The following KCNJ6 variants were observed in gnomAD, a reference collection of about 807,000 sequenced individuals.
KCNJ6 encodes the protein G protein-activated inward rectifier potassium channel 2.
KCNJ6 carries 9 observed loss-of-function variants against 34.2 expected under a neutral mutation model. The observed-to-expected ratio is 0.26, with a 90% confidence interval of 0.16 to 0.46. The LOEUF (loss-of-function observed/expected upper bound fraction) is 0.46. Ranked by LOEUF, KCNJ6 falls within the 20% of genes least tolerant of loss-of-function variation. The pLI is 1.00. For missense variants in KCNJ6, 236 were observed against 531.3 expected, an observed-to-expected ratio of 0.44 and a Z score of 5.46; for synonymous variants, 196 against 207.1, an observed-to-expected ratio of 0.95 and a Z score of 0.46.
At chr21:37,699,420 AT>A (rs886902591) in intron 3 of KCNJ6, among the ~76,000 whole-genome samples, 1 of 152,136 alleles carries the variant, frequency 6.6e-6, no homozygotes, top group African/African-American at 2.4e-5. Flanking sequence ...GGGATAGAGC[AT>A]TTTTTATTGA....
At chr21:37,754,061 G>C (rs762616242) in intron 2 of KCNJ6, among the ~76,000 whole-genome samples, 10 of 152,128 alleles carry the variant, frequency 6.6e-5, no homozygotes, top group Non-Finnish European at 1.3e-4. Flanking sequence ...CTGGGGCCTG[G>C]GCCACACATA....
At chr21:37,767,185 C>A (rs1336948817) in intron 2 of KCNJ6, among the ~76,000 whole-genome samples, 1 of 152,158 alleles carries the variant, frequency 6.6e-6, no homozygotes, top group Non-Finnish European at 1.5e-5. Context: ...CATTATCTGA[C>A]AGCTTCAAGG....
At chr21:37,793,572 G>C (rs373167200) in intron 2 of KCNJ6, among the ~76,000 whole-genome samples, 4 of 119,888 alleles carry the variant, frequency 3.3e-5, no homozygotes, top group African/African-American at 1.3e-4. Flanking sequence ...AAAAAAAAAA[G>C]AGTGAGAGCT....
chr21:37,847,873 G>A (rs1028835262), intron 1 of KCNJ6, among the ~76,000 whole-genome samples: 1 of 152,132 alleles, frequency 6.6e-6, no homozygotes, highest in South Asian at 2.1e-4. Flanking sequence ...TGTGCCTCAC[G>A]GAGGAAGCAG....
chr21:37,730,175 G>C (rs2054877052), intron 2 of KCNJ6, among the ~76,000 whole-genome samples: 2 of 152,098 alleles, frequency 1.3e-5, no homozygotes, highest in South Asian at 4.1e-4. Flanking sequence ...GCCAGTCCTG[G>C]GGAATCCCAG....
Position 37,729,141 on chromosome 21 carries a change from T to C in KCNJ6, c.26-14010A>G, listed in dbSNP as rs532366714. Among the ~76,000 whole-genome samples the C allele has an allele frequency of 2.6e-5, 4 of 152,298 alleles. No individual in the cohort carries two copies. In the South Asian group the frequency reaches 8.3e-4, roughly 32 times the overall value. ...TAAAGGGTCCTATTAGCATTTTAGC[T>C]TGGGGACCCCACAATGTGAATTTAA... is the stretch of plus-strand genomic sequence containing the variant. On this transcript the variant is annotated intron_variant, in intron 2 of 3. Coordinates refer to ENST00000609713, the MANE Select transcript of KCNJ6 (RefSeq NM_002240.5).
chr21:37,690,677 T>A (rs771213861), intron 3 of KCNJ6, among the ~76,000 whole-genome samples: 8 of 152,184 alleles, frequency 5.3e-5, no homozygotes, highest in Non-Finnish European at 1.0e-4. Flanking sequence ...ATTTTAAAAA[T>A]TCCACAAAGC....
intron 2 of KCNJ6, among the ~76,000 whole-genome samples, chr21:37,828,299 TC>T (rs1568863468): frequency 6.6e-6 from 1 of 152,168 alleles, no homozygotes; most frequent in African/African-American, 2.4e-5. Context: ...CTTGACTTTT[TC>T]CTCTCTGGGA....
intron 1 of KCNJ6, among the ~76,000 whole-genome samples, chr21:37,866,296 C>A (rs115365687): frequency 0.012 from 1,762 of 152,220 alleles, 33 homozygotes; most frequent in African/African-American, 0.04. Context: ...TTGTAATAAG[C>A]CTCTTACTGT....
intron 3 of KCNJ6, among the ~76,000 whole-genome samples, chr21:37,681,800 C>T (rs377032849): frequency 4.0e-5 from 6 of 151,434 alleles, no homozygotes; most frequent in Admixed American, 1.3e-4. Context: ...GTAGAGGGAG[C>T]GACCCAAATC....
intron 2 of KCNJ6, among the ~76,000 whole-genome samples, chr21:37,813,298 G>A (rs1028407997): frequency 6.6e-6 from 1 of 152,150 alleles, no homozygotes; most frequent in Non-Finnish European, 1.5e-5. Flanking sequence ...TCATGGATTG[G>A]AAGAATCAAT....
At chr21:37,877,195 A>G (rs1219262579) in intron 1 of KCNJ6, among the ~76,000 whole-genome samples, 1 of 152,204 alleles carries the variant, frequency 6.6e-6, no homozygotes, top group Non-Finnish European at 1.5e-5. Flanking sequence ...CTCTGATTTA[A>G]TCACAGTGAT....
intron 1 of KCNJ6, among the ~76,000 whole-genome samples, chr21:37,895,707 C>T (rs1269015778): frequency 1.3e-5 from 2 of 152,164 alleles, no homozygotes; most frequent in African/African-American, 4.8e-5. Context: ...TGAAGGTACC[C>T]CAATCAGGGA....
At chr21:37,801,368 C>T (rs1005357) in intron 2 of KCNJ6, among the ~76,000 whole-genome samples, 67,887 of 152,000 alleles carry the variant, frequency 0.45, 16,510 homozygotes, top group Middle Eastern at 0.53. Flanking sequence ...TCTGGAGAAC[C>T]CCATCCTGCA....
At chr21:37,698,494 G>A (rs137947122) in intron 3 of KCNJ6, among the ~76,000 whole-genome samples, 77 of 152,318 alleles carry the variant, frequency 5.1e-4, no homozygotes, top group Non-Finnish European at 9.7e-4. Context: ...ATTGTAATTT[G>A]TTTTTATGTG....
intron 1 of KCNJ6, among the ~76,000 whole-genome samples, chr21:37,876,269 T>TAATAAA (rs1452851458): frequency 1.3e-5 from 2 of 152,202 alleles, no homozygotes. Context: ...CAGACACCCA[T>TAATAAA]AATATTCCCA....
chr21:37,840,748 G>A (rs995143309), intron 1 of KCNJ6, 39 bp from the exon 2 acceptor site: 1 of 1,137,634 alleles, frequency 8.8e-7, no homozygotes, highest in Non-Finnish European at 1.3e-6. Context: ...TGTAAAACAT[G>A]TCTTAGATAT....
At chr21:37,687,870 G>T (rs2054622567) in intron 3 of KCNJ6, among the ~76,000 whole-genome samples, 2 of 152,156 alleles carry the variant, frequency 1.3e-5, no homozygotes, top group African/African-American at 4.8e-5. Context: ...GTTCTTAGTT[G>T]TATTCTAGAG....
intron 2 of KCNJ6, among the ~76,000 whole-genome samples, chr21:37,751,586 T>C (rs1263867749): frequency 6.6e-6 from 1 of 152,266 alleles, no homozygotes; most frequent in East Asian, 1.9e-4. Context: ...TGTAAGAAAC[T>C]CAGTTGTCCC....
Sources: gnomAD v4.1 joint callset for allele counts (sites outside exome capture counted in the v4.1 genomes callset) on GRCh38, gnomAD v4.1.1 for gene constraint, MANE v1.5 for transcripts, NCBI Gene and HGNC (gene_info 2026-07-23, HGNC 2026-07-21) for gene names.